MMP3: variants seen among roughly 807,000 people sequenced by gnomAD.
MMP3 encodes matrix metallopeptidase 3.
Under a neutral mutation model 47.3 loss-of-function variants are expected in MMP3, and 46 were observed. The observed-to-expected ratio is 0.97, with a 90% CI of 0.77 to 1.24. MMP3 has a LOEUF of 1.24. Among genes scored for constraint, MMP3 ranks in the 50% most tolerant of loss-of-function variants. The pLI is 0.00. For synonymous variants in MMP3, 216 were observed against 206.5 expected, an observed-to-expected ratio of 1.05 and a Z score of -0.39; for missense variants, 558 against 565.5, an observed-to-expected ratio of 0.99 and a Z score of 0.13.
chr11:102,842,564 T>A lies in MMP3; in HGVS notation c.366A>T (p.Thr122=). Reference sequence around the variant, plus strand: ...CAACAGCATCTTTTGGCAAATCTGGTGTATAATTCACAATCCTGTAGGAGA... The same window carrying A: ...CAACAGCATCTTTTGGCAAATCTGGAGTATAATTCACAATCCTGTAGGAGA... ...THLTYRIVNY[T]PDLPKDAVDS... is the part of the protein sequence containing the mutation. The change falls in exon 3 of 10, where the codon ACA becomes ACT. Residue 122 remains threonine, a synonymous_variant. Transcript: ENST00000299855. 3 of 1,613,990 alleles carry A rather than the reference T, an allele frequency of 1.9e-6. No individual in the cohort carries two copies. Among genetic ancestry groups the A allele is most frequent in the Non-Finnish European group, 2.5e-6 (3 of 1,179,968 alleles).
intron 6 of MMP3, 73 bp from the exon 7 acceptor site, chr11:102,839,316 T>C (rs1555005091): frequency 1.3e-6 from 2 of 1,562,298 alleles, no homozygotes. Context: ...CTCACCGTCT[T>C]GCCTCACCCA....
rs1565224502 is a variant in MMP3, at chr11:102,838,567, C to T, written c.1213G>A (p.Glu405Lys). The change falls in exon 8 of 10, where the codon GAG (glutamate) becomes AAG (lysine). Residue 405 changes from glutamate to lysine, a missense_variant. Transcript: ENST00000299855. Reference sequence around the variant, plus strand: ...GCATCTCACCTCCAGTATTTGTCCTCTACAAAGAAATATGTTTTGTTCTTT... The same window carrying T: ...GCATCTCACCTCCAGTATTTGTCCTTTACAAAGAAATATGTTTTGTTCTTT... Reference protein sequence around the residue: ...KEKNKTYFFVEDKYWRFDEKR... With the variant: ...KEKNKTYFFVKDKYWRFDEKR... The T allele has an allele frequency of 1.9e-6, 3 of 1,613,444 alleles. No homozygotes were observed. The highest frequency in any genetic ancestry group is 2.7e-5 in the African/African-American group (2 of 74,876).
intron 6 of MMP3, among the ~76,000 whole-genome samples, chr11:102,839,614 G>C (rs1369231201): frequency 6.6e-6 from 1 of 152,192 alleles, no homozygotes; most frequent in Non-Finnish European, 1.5e-5. Context: ...ATATATTCTT[G>C]TATGTGTGTA....
At chr11:102,839,875 A>T (rs189255826) in intron 6 of MMP3, among the ~76,000 whole-genome samples, 343 of 152,308 alleles carry the variant, frequency 2.3e-3, no homozygotes, top group African/African-American at 7.9e-3. Context: ...GTGACTTAAG[A>T]CATTTGGAAA....
rs3025065 is a variant in MMP3, at chr11:102,840,251, T to C, written c.792A>G (p.Gly264=). ...DDINGIQSLY[G]PPPDSPETPL... ...GGGTCTCAGGGGAGTCAGGGGGAGG[T>C]CCTAAAGGGAACATTAGGGGAAATG... Residue 264 remains glycine, a splice_region_variant and synonymous_variant, in exon 6 of 10, where the codon GGA becomes GGG. Coordinates refer to ENST00000299855, the MANE Select transcript of MMP3 (RefSeq NM_002422.5). The C allele has an allele frequency of 3.8e-3, 6,187 of 1,611,888 alleles. 16 individuals are homozygous for C. The highest frequency in any genetic ancestry group is 5.0e-3 in the Admixed American group (300 of 59,478).
intron 1 of MMP3, 111 bp downstream of exon 1, chr11:102,843,331 C>G (rs1289504625): frequency 5.4e-6 from 4 of 746,024 alleles, no homozygotes; most frequent in Middle Eastern, 2.6e-4. Flanking sequence ...TATTCTTGAA[C>G]TGTTCCTACA....
At chr11:102,841,390 TA>T (rs1460921863) in intron 4 of MMP3, among the ~76,000 whole-genome samples, 4 of 152,218 alleles carry the variant, frequency 2.6e-5, no homozygotes, top group African/African-American at 9.6e-5. Flanking sequence ...AAGAATTCGT[TA>T]ACTCAACCAA....
In MMP3 at chr11:102,836,791, C is replaced by T; in HGVS notation, c.1333+507G>A. On this transcript the variant is annotated intron_variant, in intron 9 of 9. Coordinates refer to ENST00000299855, the MANE Select transcript of MMP3 (RefSeq NM_002422.5). The surrounding 1 kb of genome is among the most constrained non-coding windows in gnomAD (Gnocchi z 4.6). ...CCTTACCTTGAGTAGAAAACAAAAT[C>T]TTTTTTTTTTTTTAAACTTTGGGCA... 1.0e-5 allele frequency: 2 copies of T among 194,066 alleles called. No homozygotes were observed. Among genetic ancestry groups the T allele is most frequent in the Non-Finnish European group, 2.1e-5 (2 of 95,338 alleles). The allele number at this position is 194,066 out of a possible 1,614,324, so 12.0% of individuals were successfully genotyped here.
chr11:102,840,220 C>G lies in MMP3; in HGVS notation c.823G>C (p.Val275Leu). Residue 275 changes from valine (V) to leucine (L), a missense_variant, in exon 6 of 10, where the codon GTA becomes CTA. By Grantham distance (32) the Val-to-Leu change is conservative. Transcript: ENST00000299855. ...TCTGGAGGGACAGGTTCCGTGGGTA[C>G]CAGGGGGGTCTCAGGGGAGTCAGGG... ...PPPDSPETPL[V>L]PTEPVPPEPG... is the part of the protein sequence containing the mutation. 6.2e-7 allele frequency: 1 copy of G among 1,613,860 alleles called. No homozygotes were observed. Among genetic ancestry groups the G allele is most frequent in the Non-Finnish European group, 8.5e-7 (1 of 1,179,958 alleles).
In MMP3 at chr11:102,843,533, G is replaced by A; in HGVS notation, c.14C>T (p.Pro5Leu). The A allele has an allele frequency of 6.2e-7, 1 of 1,613,058 alleles. No homozygotes were observed. Among genetic ancestry groups the A allele is most frequent in the South Asian group, 1.1e-5 (1 of 90,824 alleles). ...TGCCACGCACAGCAACAGTAGGATT[G>A]GAAGACTCTTCATTTCCACTGGCTT... MKSL[P>L]ILLLLCVAVC... Residue 5 changes from proline (P) to leucine (L), a missense_variant, in exon 1 of 10, where the codon CCA becomes CTA. Physicochemically the swap from Pro to Leu is moderately conservative, Grantham distance 98 (BLOSUM62 -3). Transcript: ENST00000299855.
intron 4 of MMP3, among the ~76,000 whole-genome samples, chr11:102,841,893 A>G (rs1859003946): frequency 6.6e-6 from 1 of 152,194 alleles, no homozygotes; most frequent in African/African-American, 2.4e-5. Flanking sequence ...TTTCTTAATA[A>G]TGGTTACCCC....
chr11:102,842,099 T>G, intron 4 of MMP3, 55 bp downstream of exon 4: 1 of 1,470,598 alleles, frequency 6.8e-7, no homozygotes, highest in African/African-American at 1.4e-5. Context: ...TATTAACAGA[T>G]TTCTACATAT....
rs111453231 is a variant in MMP3, at chr11:102,843,323, T to G, written c.105+119A>C. 680 of 725,102 alleles carry G rather than the reference T, an allele frequency of 9.4e-4. 2 individuals carry two copies. The African/African-American group carries it at 0.01, about 11-fold the overall frequency. 44.9% of individuals were successfully genotyped at this position (725,102 alleles called of 1,614,324 possible). A position where few individuals can be genotyped will look rare whatever the true frequency, so the allele number is the denominator to read the frequency against. ...ACTTCCAACACTCTATAACTCTCTA[T>G]TCTTGAACTGTTCCTACACAGTAAG... On this transcript the variant is annotated intron_variant, in intron 1 of 9. Transcript: ENST00000299855.
intron 5 of MMP3, 37 bp downstream of exon 5, chr11:102,840,392 C>T (rs374866629): frequency 8.7e-5 from 139 of 1,605,322 alleles, no homozygotes; most frequent in East Asian, 7.1e-4. Flanking sequence ...ACCATCATTG[C>T]AAAACTACAA....
At position 102,837,181 on chromosome 11, in the gene MMP3, A is replaced by G. The variant is rs1858897024; in HGVS notation, c.1333+117T>C. On this transcript the variant is annotated intron_variant, in intron 9 of 9. Transcript: ENST00000299855. The surrounding 1 kb of genome is among the most constrained non-coding windows in gnomAD (Gnocchi z 4.4). ...CAAATGTAGGCGAATCAAAATTTTG[A>G]GAAGGGAACTGGCCCTAAGAAACAC... The G allele has an allele frequency of 2.9e-6, 2 of 700,190 alleles. No individual in the cohort carries two copies. The highest frequency in any genetic ancestry group is 5.3e-5 in the East Asian group (2 of 37,452). The allele number at this position is 700,190 out of a possible 1,614,324, so 43.4% of individuals were successfully genotyped here.
chr11:102,843,007 A>G, intron 1 of MMP3, 91 bp from the exon 2 acceptor site: 1 of 1,145,814 alleles, frequency 8.7e-7, no homozygotes, highest in Non-Finnish European at 1.2e-6. Flanking sequence ...CTCACTTCTT[A>G]ATCTATTTGG....
In MMP3 at chr11:102,842,404, CTTTTTTTTT is replaced by C. The variant is rs11418340; in HGVS notation, c.499+18_499+26del. ...GTGTTTTTTGTTTTGTTTTGTTTTG[CTTTTTTTTT>C]TTTTTTTTTTTTTTTACCTCTAACT... On this transcript the variant is annotated intron_variant, in intron 3 of 9. Transcript: ENST00000299855. 8.0e-5 allele frequency: 65 copies of C among 810,556 alleles called. No homozygotes were observed. Among genetic ancestry groups the C allele is most frequent in the Middle Eastern group, 4.6e-4 (1 of 2,158 alleles). 50.2% of individuals were successfully genotyped at this position (810,556 alleles called of 1,614,324 possible). A position where few individuals can be genotyped will look rare whatever the true frequency, so the allele number is the denominator to read the frequency against.
chr11:102,843,479 G>C lies in MMP3; in HGVS notation c.68C>G (p.Ala23Gly), dbSNP rs1555005946. ...CATGCTGGTGTCCTCACCCCTTGCAGCTCCATCCAATGGATAGGCTGAGCA... is the reference window on the plus strand; with the variant it reads ...CATGCTGGTGTCCTCACCCCTTGCACCTCCATCCAATGGATAGGCTGAGCA... Reference protein sequence around the residue: ...AVCSAYPLDGAARGEDTSMNL... With the variant: ...AVCSAYPLDGGARGEDTSMNL... The change falls in exon 1 of 10, where the codon GCT (alanine) becomes GGT (glycine). Residue 23 changes from alanine (A) to glycine (G), a missense_variant. Physicochemically the swap from Ala to Gly is moderately conservative, Grantham distance 60 (BLOSUM62 0). Transcript: ENST00000299855. 6.2e-7 allele frequency: 1 copy of C among 1,613,726 alleles called. No homozygotes were observed.
At chr11:102,843,378 C>G (rs1409519066) in intron 1 of MMP3, 64 bp downstream of exon 1, 43 of 1,147,070 alleles carry the variant, frequency 3.7e-5, no homozygotes, top group Non-Finnish European at 5.5e-5. Flanking sequence ...TTTTAAGACA[C>G]ACAGAATGGT....
Sources: allele counts gnomAD v4.1 joint callset (sites outside exome capture counted in the v4.1 genomes callset), GRCh38; gene constraint gnomAD v4.1.1; non-coding constraint Gnocchi (gnomAD v3.1); transcripts MANE v1.5; gene names NCBI Gene and HGNC (gene_info 2026-07-23, HGNC 2026-07-21).